Variants in SLC25A48 observed in about 807,000 individuals in gnomAD.
SLC25A48 encodes CTC-321K16.1.
In SLC25A48, 29 loss-of-function variants were observed where a neutral mutation model predicts 32.2. That is an observed-to-expected ratio of 0.90 (90% CI 0.67 to 1.23). The LOEUF (loss-of-function observed/expected upper bound fraction) is 1.23, where lower values mean the gene tolerates loss of function less well. SLC25A48 is among the 50% of genes most tolerant of loss of function. The pLI is 0.00. For synonymous variants in SLC25A48, 164 were observed against 172.3 expected (o/e 0.95, Z 0.38); for missense variants, 399 against 422.7 (o/e 0.94, Z 0.49).
At chr5:135,817,048 A>G (rs932767693) in intron 4 of SLC25A48, among the ~76,000 whole-genome samples, 2 of 152,378 alleles carry the variant, frequency 1.3e-5, no homozygotes, top group South Asian at 2.1e-4. Flanking sequence ...TATTTTAGAA[A>G]GAGCAAAGTT....
intron 3 of SLC25A48, among the ~76,000 whole-genome samples, chr5:135,722,432 A>C (rs933238802): frequency 1.3e-5 from 2 of 152,214 alleles, no homozygotes; most frequent in Non-Finnish European, 2.9e-5. Flanking sequence ...TGTTTGTAGC[A>C]AAAGGTATTT....
At position 135,719,540 on chromosome 5, in the gene SLC25A48, G is replaced by A. The variant is rs542567162; in HGVS notation, c.-521+84584G>A. On this transcript the variant is annotated intron_variant, in intron 3 of 10. Transcript: ENST00000646290. Reference sequence around the variant, plus strand: ...CAGGAGAGATGCTCCCTACACCAGGGAGGGAAGGCACCCTCATGCTGCTAC... The same window carrying A: ...CAGGAGAGATGCTCCCTACACCAGGAAGGGAAGGCACCCTCATGCTGCTAC... 2.0e-5 allele frequency among the ~76,000 whole-genome samples: 3 copies of A among 152,284 alleles called. No individual in the cohort carries two copies. In the East Asian group the frequency reaches 5.8e-4, roughly 29 times the overall value.
chr5:135,663,531 G>A lies in SLC25A48; in HGVS notation c.-521+28575G>A, dbSNP rs1305451557. On this transcript the variant is annotated intron_variant, in intron 3 of 10. Transcript: ENST00000646290. ...AAAGTAATATCATTTCATCTGCATGGAAATCCTTCTCCCATGTCTCTTCAT... is the reference window on the plus strand; with the variant it reads ...AAAGTAATATCATTTCATCTGCATGAAAATCCTTCTCCCATGTCTCTTCAT... Among the ~76,000 whole-genome samples, 3 of 152,292 alleles carry A rather than the reference G, an allele frequency of 2.0e-5. No individual in the cohort carries two copies. The East Asian group carries it at 5.8e-4, about 29-fold the overall frequency.
chr5:135,773,353 A>G (rs1756464641), intron 3 of SLC25A48, among the ~76,000 whole-genome samples: 1 of 151,438 alleles, frequency 6.6e-6, no homozygotes, highest in Non-Finnish European at 1.5e-5. Flanking sequence ...CTTGGATATT[A>G]TGAACAATAT....
At chr5:135,620,191 C>T (rs946493877) in intron 1 of SLC25A48, among the ~76,000 whole-genome samples, 5 of 152,140 alleles carry the variant, frequency 3.3e-5, no homozygotes, top group Admixed American at 6.5e-5. Context: ...TGGGTGGCTG[C>T]CCACTATGTT....
chr5:135,720,600 T>C (rs1754927802), intron 3 of SLC25A48, among the ~76,000 whole-genome samples: 1 of 152,114 alleles, frequency 6.6e-6, no homozygotes, highest in African/African-American at 2.4e-5. Flanking sequence ...CCAGAATGGG[T>C]TGATGCTGTG....
At position 135,611,680 on chromosome 5, in the gene SLC25A48, C is replaced by T. The variant is rs185277291; in HGVS notation, c.-848-17557C>T. On this transcript the variant is annotated intron_variant, in intron 1 of 10. Coordinates refer to the SLC25A48 transcript ENST00000646290. ...TGAGCTGAGACTGCACCTCTGCACG[C>T]CCACCTGGGTGACAGTGTGAGACTC... Among the ~76,000 whole-genome samples, 766 of 152,184 alleles carry T rather than the reference C, an allele frequency of 5.0e-3. 10 individuals carry two copies. Among genetic ancestry groups the T allele is most frequent in the African/African-American group, 0.017 (719 of 41,542 alleles).
chr5:135,874,937 C>A (rs1761936096), intron 6 of SLC25A48: 1 of 425,324 alleles, frequency 2.4e-6, no homozygotes. Context: ...CTACTGTGAG[C>A]TGGCAGGATC....
chr5:135,818,162 C>T (rs1188331459), intron 4 of SLC25A48, among the ~76,000 whole-genome samples: 5 of 149,314 alleles, frequency 3.3e-5, no homozygotes, highest in Non-Finnish European at 1.5e-5. Context: ...GCCCAGAAGG[C>T]ACATTCTAAT....
intron 6 of SLC25A48, chr5:135,876,123 T>TTGTA: frequency 1.2e-5 from 1 of 83,268 alleles, no homozygotes; most frequent in Non-Finnish European, 2.1e-5. Flanking sequence ...TATCTTTTTT[T>TTGTA]TCTTCTTCTT....
intron 1 of SLC25A48, among the ~76,000 whole-genome samples, chr5:135,590,678 C>T (rs1401990815): frequency 6.6e-6 from 1 of 152,152 alleles, no homozygotes; most frequent in Non-Finnish European, 1.5e-5. Flanking sequence ...CTGGCCCACC[C>T]CCACCCCAAC....
chr5:135,623,966 C>T (rs1648522315), intron 1 of SLC25A48, among the ~76,000 whole-genome samples: 2 of 152,322 alleles, frequency 1.3e-5, no homozygotes, highest in South Asian at 4.1e-4. Flanking sequence ...GAGCTTACAG[C>T]TCTTGGATCT....
chr5:135,714,750 G>A (rs1754754904), intron 3 of SLC25A48: 1 of 152,284 alleles, frequency 6.6e-6, no homozygotes, highest in African/African-American at 2.4e-5. Context: ...AGACAGGAAG[G>A]CCATTATTAT....
intron 3 of SLC25A48, among the ~76,000 whole-genome samples, chr5:135,718,615 T>C (rs1236884588): frequency 6.6e-6 from 1 of 152,188 alleles, no homozygotes; most frequent in Non-Finnish European, 1.5e-5. Flanking sequence ...ATTCTAATTG[T>C]AAAAAGAGAA....
At chr5:135,764,030 T>C (rs1756134138) in intron 3 of SLC25A48, among the ~76,000 whole-genome samples, 2 of 152,086 alleles carry the variant, frequency 1.3e-5, no homozygotes, top group African/African-American at 4.8e-5. Flanking sequence ...TTACTCCCCA[T>C]ATTTCGGGGG....
At chr5:135,841,010 G>A (rs1360833493) in intron 1 of SLC25A48, among the ~76,000 whole-genome samples, 2 of 152,138 alleles carry the variant, frequency 1.3e-5, no homozygotes, top group Non-Finnish European at 2.9e-5. Context: ...TTCCACCATG[G>A]CTGTATGATT....
chr5:135,689,679 C>G (rs900069363), intron 3 of SLC25A48, among the ~76,000 whole-genome samples: 2 of 152,214 alleles, frequency 1.3e-5, no homozygotes, highest in Non-Finnish European at 2.9e-5. Flanking sequence ...TGTGCCGACT[C>G]ATTTCCTTGT....
At chr5:135,826,078 TTCTC>T (rs1016015600) in intron 4 of SLC25A48, 8 of 152,208 alleles carry the variant, frequency 5.3e-5, no homozygotes, top group African/African-American at 1.9e-4. Context: ...CAGGCCTGTA[TTCTC>T]TCTGTCTCAG....
chr5:135,773,369 C>T (rs953410746), intron 3 of SLC25A48, among the ~76,000 whole-genome samples: 5 of 150,254 alleles, frequency 3.3e-5, no homozygotes, highest in African/African-American at 9.8e-5. Context: ...AATATCATAG[C>T]GGGGTGTACA....
Sources: gnomAD v4.1 joint callset for allele counts (sites outside exome capture counted in the v4.1 genomes callset) on GRCh38, gnomAD v4.1.1 for gene constraint, MANE v1.5 for transcripts, NCBI Gene and HGNC (gene_info 2026-07-23, HGNC 2026-07-21) for gene names.